Variants in TENM1 observed in about 807,000 individuals in gnomAD.
The protein encoded by TENM1 is teneurin-1.
Under a neutral mutation model 174.8 loss-of-function variants are expected in TENM1, and 35 were observed. The observed-to-expected ratio is 0.20, with a 90% CI of 0.15 to 0.27. The LOEUF is 0.27. TENM1 is among the 10% of genes least tolerant of loss of function. TENM1 has a pLI of 1.00. For missense variants in TENM1, 1,633 were observed against 2,130.1 expected, an observed-to-expected ratio of 0.77 and a Z score of 4.59; for synonymous variants, 781 against 798.7, an observed-to-expected ratio of 0.98 and a Z score of 0.37.
At chrX:124,514,019 T>C (rs1181239670) in intron 18 of TENM1, among the ~76,000 whole-genome samples, 1 of 111,758 alleles carries the variant, frequency 8.9e-6, no homozygotes, top group African/African-American at 3.3e-5. Context: ...ACTGCTAATA[T>C]GTACAGGGTT....
the TENM1 span, among the ~76,000 whole-genome samples, chrX:124,993,357 A>G: frequency 3.6e-5 from 4 of 111,061 alleles, no homozygotes; most frequent in Non-Finnish European, 7.6e-5. Flanking sequence ...TTATTCACCC[A>G]ATTGCCGTAG....
chrX:124,889,260 C>A (rs1327034743), intron 3 of TENM1, among the ~76,000 whole-genome samples: 2 of 111,262 alleles, frequency 1.8e-5, no homozygotes, highest in African/African-American at 6.5e-5. Flanking sequence ...GACCTTACCC[C>A]TCATTGTAGC....
chrX:124,566,977 A>G (rs2048956021), intron 11 of TENM1, among the ~76,000 whole-genome samples: 1 of 112,121 alleles, frequency 8.9e-6, no homozygotes, highest in Non-Finnish European at 1.9e-5. Context: ...GATTTGAAAT[A>G]TAGTTTAGAG....
intron 3 of TENM1, among the ~76,000 whole-genome samples, chrX:124,850,143 C>A (rs768101145): frequency 4.2e-4 from 47 of 111,744 alleles, no homozygotes; most frequent in Non-Finnish European, 3.8e-4. Flanking sequence ...GAAAAAGAAA[C>A]AATCCAATAT....
chrX:124,588,267 A>G (rs1275248890), intron 11 of TENM1, among the ~76,000 whole-genome samples: 2 of 111,410 alleles, frequency 1.8e-5, no homozygotes, highest in Non-Finnish European at 3.8e-5. Flanking sequence ...CACTATTCAC[A>G]ATAGCAAAGA....
chrX:125,055,770 G>A, the TENM1 span, among the ~76,000 whole-genome samples: 2 of 111,191 alleles, frequency 1.8e-5, no homozygotes, highest in Non-Finnish European at 3.8e-5. Flanking sequence ...GAACAATTAT[G>A]TATTTAAAAC....
intron 3 of TENM1, among the ~76,000 whole-genome samples, chrX:124,775,568 G>A (rs1292273018): frequency 3.6e-5 from 4 of 112,026 alleles, no homozygotes; most frequent in Non-Finnish European, 7.5e-5. Context: ...GTCTGATAGC[G>A]AGAGAGAGAT....
chrX:125,163,526 A>T, the TENM1 span, among the ~76,000 whole-genome samples: 1 of 111,216 alleles, frequency 9.0e-6, no homozygotes, highest in Non-Finnish European at 1.9e-5. Flanking sequence ...CAGATCCGAG[A>T]AAATAAATGT....
At chrX:124,494,566 G>C (rs1321766915) in intron 20 of TENM1, among the ~76,000 whole-genome samples, 1 of 108,666 alleles carries the variant, frequency 9.2e-6, no homozygotes. Flanking sequence ...CATTGTACAG[G>C]TTAGTTACAT....
In TENM1 at chrX:124,397,450, AAGG is replaced by A. The variant is rs777541262; in HGVS notation, c.5392-5105_5392-5103del. Among the ~76,000 whole-genome samples the A allele has an allele frequency of 1.4e-3, 153 of 111,630 alleles. 1 individual carries two copies. Among genetic ancestry groups the A allele is most frequent in the Admixed American group, 0.014 (143 of 10,585 alleles). ...CTGCAGTTGATTTTCTCCCCTCCTT[AAGG>A]AGGAGAAGGCTGAATTTTCAAGAAC... On this transcript the variant is annotated intron_variant, in intron 27 of 31. Coordinates refer to ENST00000422452, the Ensembl canonical transcript of TENM1.
At chrX:124,710,523 G>A (rs924754346) in intron 4 of TENM1, among the ~76,000 whole-genome samples, 5 of 111,622 alleles carry the variant, frequency 4.5e-5, no homozygotes, top group African/African-American at 1.6e-4. Flanking sequence ...CTATTATGAC[G>A]GCAATTACAA....
intron 3 of TENM1, among the ~76,000 whole-genome samples, chrX:124,804,305 T>C (rs1054468446): frequency 8.9e-6 from 1 of 112,296 alleles, no homozygotes; most frequent in Non-Finnish European, 1.9e-5. Flanking sequence ...CCTTATTTCC[T>C]ACACTTGGTG....
In TENM1 at chrX:124,514,999, C is replaced by G. The variant is rs147386319; in HGVS notation, c.3301+5518G>C. 3.6e-3 allele frequency among the ~76,000 whole-genome samples: 402 copies of G among 111,354 alleles called. 3 individuals carry two copies. The highest frequency in any genetic ancestry group is 0.012 in the African/African-American group (381 of 30,672). ...AGCAGCACTTCAAAAAGCTAATCCA[C>G]TATGTTCAAGTATGCTTCATCCCTG... On this transcript the variant is annotated intron_variant, in intron 18 of 31. Coordinates refer to ENST00000422452, the Ensembl canonical transcript of TENM1.
the TENM1 span, among the ~76,000 whole-genome samples, chrX:125,035,890 C>T: frequency 9.0e-6 from 1 of 110,620 alleles, no homozygotes; most frequent in African/African-American, 3.3e-5. Flanking sequence ...TATTGTGATG[C>T]TCCATCAGAA....
the TENM1 span, among the ~76,000 whole-genome samples, chrX:125,174,042 A>G: frequency 2.7e-5 from 3 of 111,587 alleles, no homozygotes. Context: ...AAGAAAGAAA[A>G]GAAAGCCTCA....
intron 11 of TENM1, among the ~76,000 whole-genome samples, chrX:124,584,988 A>C (rs1235030897): frequency 3.6e-5 from 4 of 110,266 alleles, no homozygotes; most frequent in Non-Finnish European, 1.9e-5. Flanking sequence ...AGGGCTAACT[A>C]TCCTAAATAT....
intron 3 of TENM1, among the ~76,000 whole-genome samples, chrX:124,865,625 A>G (rs941418792): frequency 9.0e-6 from 1 of 111,638 alleles, no homozygotes; most frequent in South Asian, 3.7e-4. Context: ...CTTAACAACT[A>G]AAAGACAAAT....
the TENM1 span, among the ~76,000 whole-genome samples, chrX:125,001,087 T>A: frequency 2.6e-4 from 29 of 110,770 alleles, no homozygotes; most frequent in African/African-American, 9.2e-4. Flanking sequence ...GTTTTTTTTT[T>A]AATAACTTTG....
At chrX:124,864,519 T>A (rs1412371592) in intron 3 of TENM1, among the ~76,000 whole-genome samples, 1 of 111,528 alleles carries the variant, frequency 9.0e-6, no homozygotes, top group Non-Finnish European at 1.9e-5. Context: ...ACTGGTGAGG[T>A]TGAAGACAGT....
Sources: allele counts gnomAD v4.1 joint callset (sites outside exome capture counted in the v4.1 genomes callset), GRCh38; gene constraint gnomAD v4.1.1; transcripts MANE v1.5; gene names NCBI Gene and HGNC (gene_info 2026-07-23, HGNC 2026-07-21).